The following WDPCP variants were observed in gnomAD, a reference collection of about 807,000 sequenced individuals.
WDPCP encodes WD repeat containing planar cell polarity effector.
In WDPCP, 71 loss-of-function variants were observed where a neutral mutation model predicts 93.1. The observed-to-expected ratio is 0.76, with a 90% CI of 0.63 to 0.93. WDPCP has a LOEUF of 0.93. WDPCP is among the 40% of genes least tolerant of loss of function. The pLI, the probability that WDPCP is intolerant of heterozygous loss-of-function variation, is 0.00. For missense variants in WDPCP, 844 were observed against 887.4 expected (o/e 0.95, Z 0.62); for synonymous variants, 315 against 315.0 (o/e 1.00, Z 0.00).
intron 2 of WDPCP, among the ~76,000 whole-genome samples, chr2:63,770,726 T>C (rs565096063): frequency 6.6e-6 from 1 of 152,044 alleles, no homozygotes; most frequent in South Asian, 2.1e-4. Flanking sequence ...ATATGTTCGT[T>C]TTCATCCTTA....
intron 1 of WDPCP, among the ~76,000 whole-genome samples, chr2:63,527,828 TCCCA>T (rs1703467536): frequency 6.6e-6 from 1 of 152,100 alleles, no homozygotes; most frequent in African/African-American, 2.4e-5. Flanking sequence ...TAGTTTACAT[TCCCA>T]CCAACAGTGT....
At chr2:63,522,362 A>G (rs1702994893) in intron 1 of WDPCP, among the ~76,000 whole-genome samples, 1 of 151,968 alleles carries the variant, frequency 6.6e-6, no homozygotes, top group Non-Finnish European at 1.5e-5. Flanking sequence ...GGAACTAGAG[A>G]AACAAGAGCA....
chr2:63,535,305 C>A (rs904425303), intron 1 of WDPCP, among the ~76,000 whole-genome samples: 3 of 152,154 alleles, frequency 2.0e-5, no homozygotes, highest in African/African-American at 7.2e-5. Context: ...TTTATAGATT[C>A]AATGCCATCC....
chr2:63,345,167 A>C (rs1689106699), intron 12 of WDPCP, among the ~76,000 whole-genome samples: 1 of 152,116 alleles, frequency 6.6e-6, no homozygotes, highest in Admixed American at 6.6e-5. Flanking sequence ...TACCATATAC[A>C]TCTCCAATTT....
intron 2 of WDPCP, among the ~76,000 whole-genome samples, chr2:63,656,856 G>A (rs902812875): frequency 1.3e-5 from 2 of 151,840 alleles, no homozygotes; most frequent in Admixed American, 1.3e-4. Flanking sequence ...AATGAAAGGT[G>A]TCTGCCTTTT....
Position 63,280,135 on chromosome 2 carries a change from AC to A in WDPCP, c.1813-20727del, listed in dbSNP as rs370977558. Among the ~76,000 whole-genome samples, 802 of 152,326 alleles carry A rather than the reference AC, an allele frequency of 5.3e-3. 1 individual carries two copies. Among genetic ancestry groups the A allele is most frequent in the Non-Finnish European group, 8.0e-3 (547 of 68,022 alleles). ...AAAACAATCCTAGAATTCATACGGA[AC>A]CAAAAAAGAGCGCTGTATTAGTTCA... On this transcript the variant is annotated intron_variant, in intron 13 of 17. Transcript: ENST00000272321.
At chr2:63,475,184 A>G (rs1283764635) in intron 6 of WDPCP, among the ~76,000 whole-genome samples, 2 of 152,192 alleles carry the variant, frequency 1.3e-5, no homozygotes, top group Admixed American at 6.5e-5. Flanking sequence ...GAGTATGTCA[A>G]AAGAGGAAAT....
intron 12 of WDPCP, among the ~76,000 whole-genome samples, chr2:63,334,321 C>T (rs1340790471): frequency 1.3e-5 from 2 of 152,146 alleles, no homozygotes; most frequent in Non-Finnish European, 2.9e-5. Flanking sequence ...TGTAACACAG[C>T]ATCAGAAGGT....
intron 14 of WDPCP, among the ~76,000 whole-genome samples, chr2:63,219,329 C>T (rs897646959): frequency 2.0e-5 from 3 of 152,182 alleles, no homozygotes; most frequent in African/African-American, 7.2e-5. Context: ...GGTTTTCCCT[C>T]ATACATACTT....
intron 1 of WDPCP, among the ~76,000 whole-genome samples, chr2:63,515,648 A>C (rs1037400293): frequency 2.6e-5 from 4 of 152,246 alleles, no homozygotes; most frequent in African/African-American, 9.7e-5. Flanking sequence ...TGTTTGATCA[A>C]GGAGAAAGTT....
rs116609792 is a variant in WDPCP, at chr2:63,434,180, A to G, written c.634-244T>C. Among the ~76,000 whole-genome samples the G allele has an allele frequency of 4.2e-3, 639 of 152,312 alleles. 7 individuals carry two copies. The highest frequency in any genetic ancestry group is 0.014 in the African/African-American group (597 of 41,588). On this transcript the variant is annotated intron_variant, in intron 8 of 17. Coordinates refer to ENST00000272321, the MANE Select transcript of WDPCP (RefSeq NM_015910.7). ...AAAAGGAGAAATGTGAGCTAGGAAG[A>G]AATTGAATGTAGCAATTCCAATCAA...
chr2:63,775,630 A>T, intron 2 of WDPCP, among the ~76,000 whole-genome samples: 1 of 152,070 alleles, frequency 6.6e-6, no homozygotes, highest in African/African-American at 2.4e-5. Context: ...TATTTCTTCT[A>T]TTTACTTTCA....
At chr2:63,288,703 T>C (rs1009465232) in intron 13 of WDPCP, among the ~76,000 whole-genome samples, 4 of 152,208 alleles carry the variant, frequency 2.6e-5, no homozygotes, top group African/African-American at 9.6e-5. Context: ...AACACTGATA[T>C]CATTACTCAA....
chr2:63,279,709 C>T (rs1683373169), intron 13 of WDPCP, among the ~76,000 whole-genome samples: 1 of 152,054 alleles, frequency 6.6e-6, no homozygotes, highest in South Asian at 2.1e-4. Context: ...ATCTAGAACA[C>T]CTTAAAGACA....
rs566396437 is a variant in WDPCP at position 63,277,976 on chromosome 2, C to T, written c.1813-18567G>A. 2.0e-4 allele frequency among the ~76,000 whole-genome samples: 31 copies of T among 152,282 alleles called. No homozygotes were observed. The South Asian group carries it at 6.0e-3, about 29-fold the overall frequency. On this transcript the variant is annotated intron_variant, in intron 13 of 17. Coordinates refer to ENST00000272321, the MANE Select transcript of WDPCP (RefSeq NM_015910.7). ...TCTATTCATCAGCACATGGAACATT[C>T]TCCAAGACAGAGCATATGAAGACCA... is the stretch of plus-strand genomic sequence containing the variant.
chr2:63,302,643 T>A (rs75334782), intron 13 of WDPCP, among the ~76,000 whole-genome samples: 2,208 of 152,274 alleles, frequency 0.015, 53 homozygotes, highest in African/African-American at 0.051. Context: ...GTAAAAGGGA[T>A]AAATAAGGAT....
chr2:63,472,339 T>C (rs1321257495), intron 6 of WDPCP, among the ~76,000 whole-genome samples: 1 of 151,868 alleles, frequency 6.6e-6, no homozygotes, highest in African/African-American at 2.4e-5. Flanking sequence ...TCGGGGAAAT[T>C]TTCTTTTATT....
At chr2:63,817,374 C>G (rs1231909079) in intron 1 of WDPCP, among the ~76,000 whole-genome samples, 1 of 152,136 alleles carries the variant, frequency 6.6e-6, no homozygotes, top group Non-Finnish European at 1.5e-5. Flanking sequence ...TCCCAAAGTG[C>G]TGAGATTACA....
intron 17 of WDPCP, 118 bp downstream of exon 17, chr2:63,152,796 A>G: frequency 1.1e-6 from 1 of 913,750 alleles, no homozygotes. Context: ...AATCTAGTTA[A>G]TGTAGTCCAG....
Sources: allele counts gnomAD v4.1 joint callset (sites outside exome capture counted in the v4.1 genomes callset), GRCh38; gene constraint gnomAD v4.1.1; transcripts MANE v1.5; gene names NCBI Gene and HGNC (gene_info 2026-07-23, HGNC 2026-07-21).